LRP1B: variants seen among roughly 807,000 people sequenced by gnomAD.
LRP1B encodes LDL receptor related protein 1B.
In LRP1B, 217 loss-of-function variants were observed where a neutral mutation model predicts 556.6. That is an observed-to-expected ratio of 0.39 (90% CI 0.35 to 0.44). The LOEUF (loss-of-function observed/expected upper bound fraction) is 0.44, where lower values mean the gene tolerates loss of function less well. Ranked by LOEUF, LRP1B falls within the 20% of genes least tolerant of loss-of-function variation. The pLI, the probability that LRP1B is intolerant of heterozygous loss-of-function variation, is 1.00. For synonymous variants in LRP1B, 2,047 were observed against 1,865.8 expected, an observed-to-expected ratio of 1.10 and a Z score of -2.50; for missense variants, 5,053 against 5,620.8, an observed-to-expected ratio of 0.90 and a Z score of 3.23.
At chr2:141,596,791 G>A (rs1173164083) in intron 2 of LRP1B, among the ~76,000 whole-genome samples, 2 of 151,902 alleles carry the variant, frequency 1.3e-5, no homozygotes, top group Non-Finnish European at 2.9e-5. Context: ...AATACCAAAT[G>A]TGATGTTCAT....
intron 41 of LRP1B, among the ~76,000 whole-genome samples, chr2:140,603,234 G>A (rs894429931): frequency 1.3e-5 from 2 of 152,022 alleles, no homozygotes; most frequent in African/African-American, 2.4e-5. Flanking sequence ...GCCTAGAGAT[G>A]ACGGAAGAAA....
At chr2:141,418,335 C>G (rs1679996231) in intron 3 of LRP1B, among the ~76,000 whole-genome samples, 1 of 151,938 alleles carries the variant, frequency 6.6e-6, no homozygotes, top group Non-Finnish European at 1.5e-5. Context: ...CCCTTTTGCC[C>G]TACATTCTTT....
intron 23 of LRP1B, among the ~76,000 whole-genome samples, chr2:140,902,313 C>T (rs1471790968): frequency 2.6e-5 from 4 of 151,864 alleles, no homozygotes; most frequent in African/African-American, 9.7e-5. Context: ...TTACAACATG[C>T]TATAAGCAAG....
chr2:141,115,028 T>A (rs1700853273), intron 7 of LRP1B, among the ~76,000 whole-genome samples: 1 of 152,118 alleles, frequency 6.6e-6, no homozygotes. Flanking sequence ...TGACGGAAAG[T>A]AAAACCAATG....
intron 84 of LRP1B, among the ~76,000 whole-genome samples, chr2:140,295,393 C>T (rs1025087721): frequency 5.9e-5 from 9 of 152,124 alleles, no homozygotes; most frequent in African/African-American, 2.2e-4. Flanking sequence ...TAAATGTTTT[C>T]TTGCTTCTGC....
At chr2:141,383,185 T>G (rs918696716) in intron 3 of LRP1B, among the ~76,000 whole-genome samples, 6 of 152,112 alleles carry the variant, frequency 3.9e-5, no homozygotes, top group African/African-American at 9.7e-5. Flanking sequence ...ACATCACACC[T>G]GCTGGGAAGG....
chr2:140,904,192 A>G (rs1694183344), intron 22 of LRP1B, among the ~76,000 whole-genome samples: 1 of 152,056 alleles, frequency 6.6e-6, no homozygotes, highest in African/African-American at 2.4e-5. Flanking sequence ...CCTAAAATTT[A>G]CTCAGAATTG....
intron 15 of LRP1B, among the ~76,000 whole-genome samples, chr2:140,995,297 C>A (rs1697211279): frequency 6.6e-6 from 1 of 152,016 alleles, no homozygotes; most frequent in African/African-American, 2.4e-5. Flanking sequence ...TTCGGCCATA[C>A]AGAAGATCAT....
intron 10 of LRP1B, among the ~76,000 whole-genome samples, chr2:141,054,875 T>G (rs1475574289): frequency 2.0e-5 from 3 of 152,002 alleles, no homozygotes; most frequent in Non-Finnish European, 4.4e-5. Context: ...CTAAAAATCT[T>G]CCTCAACATA....
At chr2:140,673,710 T>G (rs532676950) in intron 41 of LRP1B, among the ~76,000 whole-genome samples, 1 of 152,136 alleles carries the variant, frequency 6.6e-6, no homozygotes, top group East Asian at 1.9e-4. Flanking sequence ...TGGACCCCCT[T>G]CTCAGTCAAG....
At position 141,582,252 on chromosome 2, in the gene LRP1B, G is replaced by T. The variant is rs574172403; in HGVS notation, c.206-101719C>A. On this transcript the variant is annotated intron_variant, in intron 2 of 90. Transcript: ENST00000389484. ...CGCCTCAGTGTACTGACCAAACAGG[G>T]CATTGATAGTTAATTAGTTCAGAAA... 9.8e-5 allele frequency among the ~76,000 whole-genome samples: 15 copies of T among 152,314 alleles called. No individual in the cohort carries two copies. The South Asian group carries it at 3.1e-3, about 32-fold the overall frequency.
chr2:141,978,706 G>T (rs188432086), intron 1 of LRP1B, among the ~76,000 whole-genome samples: 105 of 151,974 alleles, frequency 6.9e-4, no homozygotes, highest in South Asian at 5.0e-3. Flanking sequence ...TAGGTATAAT[G>T]GTTGTAAAAC....
At chr2:142,039,851 C>G (rs930237708) in intron 1 of LRP1B, among the ~76,000 whole-genome samples, 2 of 151,486 alleles carry the variant, frequency 1.3e-5, no homozygotes, top group African/African-American at 4.8e-5. Flanking sequence ...GTTGAAAATG[C>G]TTGACCAAAT....
chr2:141,947,072 A>C (rs1361155700), intron 1 of LRP1B, among the ~76,000 whole-genome samples: 1 of 152,122 alleles, frequency 6.6e-6, no homozygotes, highest in Admixed American at 6.6e-5. Flanking sequence ...GTCTGGATAA[A>C]AATGGTGACA....
chr2:141,919,409 G>T lies in LRP1B; in HGVS notation c.83-109008C>A, dbSNP rs539878830. Among the ~76,000 whole-genome samples the T allele has an allele frequency of 3.9e-5, 6 of 152,110 alleles. No homozygotes were observed. The South Asian group carries it at 1.2e-3, about 32-fold the overall frequency. ...TTCCTGCACTAATATAAGAAATGAAGCAGTGTTAGATTAATAAGTTATTCT... is the reference window on the plus strand; with the variant it reads ...TTCCTGCACTAATATAAGAAATGAATCAGTGTTAGATTAATAAGTTATTCT... On this transcript the variant is annotated intron_variant, in intron 1 of 90. Coordinates refer to ENST00000389484, the MANE Select transcript of LRP1B (RefSeq NM_018557.3).
chr2:141,900,886 C>A (rs1699599530), intron 1 of LRP1B, among the ~76,000 whole-genome samples: 1 of 151,876 alleles, frequency 6.6e-6, no homozygotes, highest in African/African-American at 2.4e-5. Flanking sequence ...TTGCTGGGAA[C>A]CTGACAGGTC....
intron 7 of LRP1B, among the ~76,000 whole-genome samples, chr2:141,151,309 C>G (rs1223220826): frequency 1.3e-5 from 2 of 152,114 alleles, no homozygotes; most frequent in African/African-American, 2.4e-5. Flanking sequence ...CCTCTGCCTA[C>G]AAGTGATACA....
chr2:140,516,219 T>G (rs917133438), intron 50 of LRP1B, among the ~76,000 whole-genome samples: 1 of 152,046 alleles, frequency 6.6e-6, no homozygotes, highest in Non-Finnish European at 1.5e-5. Context: ...GCCTTTAATA[T>G]CCATGGATTC....
chr2:142,054,580 A>G (rs1005822633), intron 1 of LRP1B, among the ~76,000 whole-genome samples: 1 of 152,124 alleles, frequency 6.6e-6, no homozygotes, highest in African/African-American at 2.4e-5. Context: ...ATTTCTCTAT[A>G]TACATGTTTA....
Sources: gnomAD v4.1 joint callset for allele counts (sites outside exome capture counted in the v4.1 genomes callset) on GRCh38, gnomAD v4.1.1 for gene constraint, MANE v1.5 for transcripts, NCBI Gene and HGNC (gene_info 2026-07-23, HGNC 2026-07-21) for gene names.